RASGEF1C: variants seen among roughly 807,000 people sequenced by gnomAD.
RASGEF1C encodes the protein RasGEF domain family member 1C.
Under a neutral mutation model 58.1 loss-of-function variants are expected in RASGEF1C, and 27 were observed. The observed-to-expected ratio is 0.46, with a 90% confidence interval of 0.34 to 0.64. RASGEF1C has a LOEUF of 0.64. Among genes scored for constraint, RASGEF1C ranks in the 30% least tolerant of loss-of-function variants. The pLI, the probability that RASGEF1C is intolerant of heterozygous loss-of-function variation, is 0.01. For synonymous variants in RASGEF1C, 243 were observed against 246.3 expected, an observed-to-expected ratio of 0.99 and a Z score of 0.13; for missense variants, 502 against 605.1, an observed-to-expected ratio of 0.83 and a Z score of 1.79.
intron 1 of RASGEF1C, among the ~76,000 whole-genome samples, chr5:180,191,515 G>T (rs75049160): frequency 6.6e-6 from 1 of 151,618 alleles, no homozygotes; most frequent in Non-Finnish European, 1.5e-5. Context: ...CGCCACCACG[G>T]CCGGCTGATT....
chr5:180,129,236 G>C (rs2113267644), intron 4 of RASGEF1C, among the ~76,000 whole-genome samples: 1 of 152,336 alleles, frequency 6.6e-6, no homozygotes, highest in East Asian at 1.9e-4. Context: ...CACAGTTTTG[G>C]ACACAGCCTT....
chr5:180,195,313 G>T (rs2127563468), intron 1 of RASGEF1C, among the ~76,000 whole-genome samples: 1 of 152,294 alleles, frequency 6.6e-6, no homozygotes, highest in African/African-American at 2.4e-5. Flanking sequence ...GACTAACTCA[G>T]TGGTCTCCAA....
intron 12 of RASGEF1C, 52 bp from the exon 13 acceptor site, chr5:180,102,195 T>C: frequency 1.9e-6 from 2 of 1,075,992 alleles, no homozygotes; most frequent in Non-Finnish European, 2.9e-6. Context: ...GATAATAACC[T>C]GTTCTACACC....
chr5:180,120,284 T>C (rs1281730046), intron 7 of RASGEF1C, among the ~76,000 whole-genome samples: 1 of 152,118 alleles, frequency 6.6e-6, no homozygotes, highest in East Asian at 1.9e-4. Context: ...CAGTCCGCCC[T>C]GTGATGGGGG....
intron 1 of RASGEF1C, among the ~76,000 whole-genome samples, chr5:180,199,671 C>G (rs751138631): frequency 4.0e-5 from 6 of 151,208 alleles, no homozygotes; most frequent in Non-Finnish European, 5.9e-5. Context: ...TCCCTCTCTC[C>G]CTCCCTTCCC....
rs143573057 is a variant in RASGEF1C at position 180,187,690 on chromosome 5, C to T, written c.-7+21338G>A. On this transcript the variant is annotated intron_variant, in intron 1 of 13. Coordinates refer to ENST00000361132, the MANE Select transcript of RASGEF1C (RefSeq NM_175062.4). Reference sequence around the variant, plus strand: ...AATTTTTTAAGAAGCAGGCAAAATACTTGAATAGACATTTTTCCAAAAGAG... The same window carrying T: ...AATTTTTTAAGAAGCAGGCAAAATATTTGAATAGACATTTTTCCAAAAGAG... Among the ~76,000 whole-genome samples, 983 of 152,188 alleles carry T rather than the reference C, an allele frequency of 6.5e-3. 5 individuals are homozygous for T. The highest frequency in any genetic ancestry group is 0.023 in the African/African-American group (938 of 41,520).
At position 180,137,674 on chromosome 5, in the gene RASGEF1C, G is replaced by T. The variant is rs750706390; in HGVS notation, c.216C>A (p.Leu72=). 2.5e-6 allele frequency: 4 copies of T among 1,612,974 alleles called. No individual in the cohort carries two copies. Among genetic ancestry groups the T allele is most frequent in the Non-Finnish European group, 2.5e-6 (3 of 1,180,014 alleles). The change falls in exon 3 of 14, where the codon CTC becomes CTA. Residue 72 remains leucine, a synonymous_variant. Transcript: ENST00000361132. This position sits in a 1 kb window ranked among gnomAD's most constrained non-coding sequence, Gnocchi z 4.1. Reference sequence around the variant, plus strand: ...CCAGGAGCTCCCGGGGCTCGATGAAGAGGCGAGAGCTCAGCAGGAAGGTGA... The same window carrying T: ...CCAGGAGCTCCCGGGGCTCGATGAATAGGCGAGAGCTCAGCAGGAAGGTGA... ...YIFTFLLSSR[L]FIEPRELLAR...
In RASGEF1C at chr5:180,121,042, C is replaced by G. The variant is rs753153396; in HGVS notation, c.804+18G>C. On this transcript the variant is annotated intron_variant, in intron 7 of 13. Coordinates refer to ENST00000361132, the MANE Select transcript of RASGEF1C (RefSeq NM_175062.4). The stretch of plus-strand genomic sequence containing the variant: ...CTGGGGCTATGCCAGGTGGTGCCCA[C>G]CCTGGCTGTCTACTCACCATGCAGA... The G allele has an allele frequency of 5.1e-5, 81 of 1,591,154 alleles. 1 individual carries two copies. In the East Asian group the frequency reaches 9.6e-4, roughly 19 times the overall value.
chr5:180,203,732 C>T (rs1241551968), intron 1 of RASGEF1C, among the ~76,000 whole-genome samples: 6 of 152,226 alleles, frequency 3.9e-5, no homozygotes, highest in East Asian at 1.9e-4. Context: ...CGGTGGCTCA[C>T]GCCTGTAATC....
chr5:180,199,624 T>C (rs1428013507), intron 1 of RASGEF1C, among the ~76,000 whole-genome samples: 1 of 152,114 alleles, frequency 6.6e-6, no homozygotes. Context: ...TGTCAGCTTA[T>C]TCAAAATTCA....
intron 1 of RASGEF1C, among the ~76,000 whole-genome samples, chr5:180,193,785 C>T (rs904483774): frequency 1.3e-5 from 2 of 152,048 alleles, no homozygotes; most frequent in Non-Finnish European, 2.9e-5. Context: ...TAGATGATAC[C>T]AAGAAATTAT....
rs1581131165 is a variant in RASGEF1C at position 180,197,021 on chromosome 5, A to C, written c.-7+12007T>G. On this transcript the variant is annotated intron_variant, in intron 1 of 13. Coordinates refer to ENST00000361132, the MANE Select transcript of RASGEF1C (RefSeq NM_175062.4). This position sits in a 1 kb window ranked among gnomAD's most constrained non-coding sequence, Gnocchi z 4.7. ...AATGTGGAGCTGGGTGTGCTGCCCG[A>C]GGCTGGCGTCGGTGAGGCTCCCCTC... Among the ~76,000 whole-genome samples, 1 of 152,170 alleles carries C rather than the reference A, an allele frequency of 6.6e-6. No individual in the cohort carries two copies. Among genetic ancestry groups the C allele is most frequent in the African/African-American group, 2.4e-5 (1 of 41,434 alleles).
chr5:180,174,607 CATGTGTGTGTCTGTGT>C (rs1286632174), intron 1 of RASGEF1C, among the ~76,000 whole-genome samples: 17 of 67,662 alleles, frequency 2.5e-4, no homozygotes, highest in African/African-American at 7.9e-4. Flanking sequence ...TGTGTGCACG[CATGTGTGTGTCTGTGT>C]GTGTGTGTGT....
chr5:180,169,768 C>T (rs55875824), intron 1 of RASGEF1C, among the ~76,000 whole-genome samples: 22,412 of 150,750 alleles, frequency 0.15, 1,843 homozygotes, highest in African/African-American at 0.17. Flanking sequence ...TAGCCCCATG[C>T]GCACCCCCCA....
intron 12 of RASGEF1C, among the ~76,000 whole-genome samples, chr5:180,109,569 A>G (rs192376980): frequency 6.6e-6 from 1 of 152,364 alleles, no homozygotes; most frequent in Non-Finnish European, 1.5e-5. Context: ...CCTTACAGAC[A>G]TGATTAAATG....
At position 180,114,458 on chromosome 5, in the gene RASGEF1C, G is replaced by A. The variant is rs140249590; in HGVS notation, c.1167C>T (p.His389=). The change falls in exon 11 of 14, where the codon CAC becomes CAT. Residue 389 remains histidine (H), a synonymous_variant. Coordinates refer to ENST00000361132, the MANE Select transcript of RASGEF1C (RefSeq NM_175062.4). ...ACGGAGGTCCTACCTCAAAGTTGAC[G>A]TGTCCATTGGGAAGGCGGTTGGCGC... ...EGCANRLPNG[H]VNFEKFLELA... The A allele has an allele frequency of 8.1e-5, 131 of 1,612,540 alleles. No individual in the cohort carries two copies. The highest frequency in any genetic ancestry group is 1.1e-4 in the Non-Finnish European group (125 of 1,179,074).
intron 10 of RASGEF1C, among the ~76,000 whole-genome samples, chr5:180,115,075 C>T (rs4356995): frequency 0.35 from 53,305 of 151,586 alleles, 9,875 homozygotes; most frequent in East Asian, 0.48. Flanking sequence ...AGTGCAATGG[C>T]GTGATCTCAG....
intron 10 of RASGEF1C, among the ~76,000 whole-genome samples, chr5:180,117,261 G>C (rs1030009917): frequency 1.3e-5 from 2 of 152,234 alleles, no homozygotes; most frequent in African/African-American, 4.8e-5. Context: ...AGAGCCATCC[G>C]TGTGGCCGGT....
At position 180,127,600 on chromosome 5, in the gene RASGEF1C, G is replaced by A. The variant is rs1343367337; in HGVS notation, c.714+9C>T. ...CTCACTTTTGGGACAGCCCGTAAGA[G>A]CCTCCTACCTTTGTGCTGGCCAGAG... On this transcript the variant is annotated intron_variant, in intron 6 of 13. Coordinates refer to ENST00000361132, the MANE Select transcript of RASGEF1C (RefSeq NM_175062.4). 3 of 1,608,358 alleles carry A rather than the reference G, an allele frequency of 1.9e-6. No homozygotes were observed. Among genetic ancestry groups the A allele is most frequent in the South Asian group, 1.1e-5 (1 of 90,480 alleles).
Sources: allele counts gnomAD v4.1 joint callset (sites outside exome capture counted in the v4.1 genomes callset), GRCh38; gene constraint gnomAD v4.1.1; non-coding constraint Gnocchi (gnomAD v3.1); transcripts MANE v1.5; gene names NCBI Gene and HGNC (gene_info 2026-07-23, HGNC 2026-07-21).